Variants in COL4A4 observed in about 807,000 individuals in gnomAD.
The protein encoded by COL4A4 is collagen alpha-4(IV) chain.
A neutral mutation model predicts 192.9 loss-of-function variants in COL4A4; 105 were observed. The ratio of observed to expected loss-of-function variants is 0.54; its 90% confidence interval spans 0.46 to 0.64. COL4A4 has a LOEUF of 0.64. COL4A4 is among the 30% of genes least tolerant of loss of function. The pLI, the probability that COL4A4 is intolerant of heterozygous loss-of-function variation, is 0.00. For synonymous variants in COL4A4, 762 were observed against 769.9 expected, an observed-to-expected ratio of 0.99 and a Z score of 0.17; for missense variants, 1,967 against 2,169.3, an observed-to-expected ratio of 0.91 and a Z score of 1.85.
rs1559562624 is a variant in COL4A4 at position 227,077,913 on chromosome 2, A to G, written c.1968T>C (p.Asp656=). The G allele has an allele frequency of 1.2e-6, 2 of 1,613,408 alleles. No homozygotes were observed. Among genetic ancestry groups the G allele is most frequent in the African/African-American group, 1.3e-5 (1 of 75,024 alleles). The change falls in exon 25 of 48, where the codon GAT becomes GAC. Residue 656 remains aspartate (D), a synonymous_variant. Transcript: ENST00000396625. ...AATTACCTTTCTGACCCTTCAAGCC[A>G]TCAGGGCCCCTCACACCTGGGTGGC... is the stretch of plus-strand genomic sequence containing the variant. The part of the protein sequence containing the change: ...VPGHPGVRGP[D]GLKGQKGDTI...
chr2:226,971,020 T>C, the COL4A4 span, among the ~76,000 whole-genome samples: 4 of 152,238 alleles, frequency 2.6e-5, no homozygotes, highest in African/African-American at 9.6e-5. Context: ...TTATAAATAG[T>C]TGAGATGGTA....
chr2:227,041,856 A>AAGAAAGAGAGAGAG (rs1971363020), intron 37 of COL4A4, among the ~76,000 whole-genome samples: 2 of 96,976 alleles, frequency 2.1e-5, no homozygotes, highest in Non-Finnish European at 4.2e-5. Context: ...AAGAGAAAGA[A>AAGAAAGAGAGAGAG]AGAAAGAAAG....
chr2:227,147,219 A>G (rs1297225201), intron 2 of COL4A4, 194 bp downstream of exon 2: 4 of 704,834 alleles, frequency 5.7e-6, no homozygotes, highest in Non-Finnish European at 1.0e-5. Context: ...GATTTTGTGG[A>G]TGCATTTCAG....
intron 37 of COL4A4, among the ~76,000 whole-genome samples, chr2:227,034,351 A>G (rs1386213031): frequency 6.6e-6 from 1 of 152,124 alleles, no homozygotes; most frequent in Non-Finnish European, 1.5e-5. Context: ...AAGTTGGAGG[A>G]GGAGAGGCAA....
chr2:227,147,927 G>C (rs1576877356), intron 1 of COL4A4, among the ~76,000 whole-genome samples: 1 of 150,908 alleles, frequency 6.6e-6, no homozygotes, highest in Non-Finnish European at 1.5e-5. Context: ...TTTTTCCCTT[G>C]AACATCCAAG....
chr2:227,061,846 C>A (rs1977140279), intron 26 of COL4A4, among the ~76,000 whole-genome samples: 1 of 152,062 alleles, frequency 6.6e-6, no homozygotes, highest in African/African-American at 2.4e-5. Context: ...TCAAATGTTT[C>A]TGATCAAATG....
chr2:227,102,703 C>T, intron 15 of COL4A4, 86 bp downstream of exon 15: 2 of 1,135,544 alleles, frequency 1.8e-6, no homozygotes, highest in South Asian at 1.2e-5. Context: ...CACTTTTGAG[C>T]TTGTGGGACT....
At chr2:227,150,724 A>C (rs747044719) in intron 1 of COL4A4, among the ~76,000 whole-genome samples, 4 of 152,128 alleles carry the variant, frequency 2.6e-5, no homozygotes, top group Non-Finnish European at 5.9e-5. Flanking sequence ...GCAAAGGGGG[A>C]AGCCCCTTAT....
intron 11 of COL4A4, 102 bp from the exon 12 acceptor site, chr2:227,108,724 A>G (rs2061001012): frequency 6.5e-7 from 1 of 1,527,304 alleles, no homozygotes; most frequent in Non-Finnish European, 9.1e-7. Context: ...AGTTCATGGA[A>G]TACTTTGGGA....
chr2:227,054,199 G>C (rs1412528600), intron 31 of COL4A4, among the ~76,000 whole-genome samples: 1 of 152,126 alleles, frequency 6.6e-6, no homozygotes, highest in East Asian at 1.9e-4. Flanking sequence ...GAGACCAGAT[G>C]GTCTGCAAAG....
At chr2:227,141,700 G>A (rs576187746) in intron 3 of COL4A4, among the ~76,000 whole-genome samples, 93 of 152,206 alleles carry the variant, frequency 6.1e-4, no homozygotes, top group African/African-American at 2.2e-3. Context: ...CGATTAGATA[G>A]TTTAAGTTTA....
At chr2:227,037,604 T>A (rs1351426302) in intron 37 of COL4A4, among the ~76,000 whole-genome samples, 1 of 152,230 alleles carries the variant, frequency 6.6e-6, no homozygotes. Context: ...ATAAACCCAG[T>A]AATGGGATCA....
At chr2:226,974,132 G>A in the COL4A4 span, among the ~76,000 whole-genome samples, 1 of 152,202 alleles carries the variant, frequency 6.6e-6, no homozygotes, top group Non-Finnish European at 1.5e-5. Flanking sequence ...GAAATAATTA[G>A]CATTCTGAGT....
chr2:227,070,972 G>A (rs1416583649), intron 25 of COL4A4, among the ~76,000 whole-genome samples: 3 of 151,980 alleles, frequency 2.0e-5, no homozygotes, highest in Non-Finnish European at 4.4e-5. Flanking sequence ...TGAAACTTTA[G>A]AACTCACACG....
chr2:227,104,887 C>T (rs10181345), intron 12 of COL4A4, among the ~76,000 whole-genome samples: 83,901 of 150,784 alleles, frequency 0.56, 23,915 homozygotes, highest in Middle Eastern at 0.67. Context: ...GTGATCCGCC[C>T]GCCTCGGCCT....
intron 1 of COL4A4, among the ~76,000 whole-genome samples, chr2:227,153,029 T>C (rs552175047): frequency 3.4e-4 from 51 of 152,150 alleles, no homozygotes; most frequent in African/African-American, 1.1e-3. Flanking sequence ...GGAAGGTGAA[T>C]GAGGAGCAAA....
At chr2:227,068,068 C>A (rs1228886192) in intron 25 of COL4A4, among the ~76,000 whole-genome samples, 4 of 145,118 alleles carry the variant, frequency 2.8e-5, no homozygotes, top group African/African-American at 1.0e-4. Flanking sequence ...TACAAACTAC[C>A]ATCAGAGAAT....
chr2:227,037,943 C>G (rs2150036080), intron 37 of COL4A4, among the ~76,000 whole-genome samples: 1 of 152,224 alleles, frequency 6.6e-6, no homozygotes, highest in East Asian at 1.9e-4. Context: ...TTGTTTCTTT[C>G]TTGTAAATTT....
chr2:227,108,868 C>T lies in COL4A4; in HGVS notation c.658G>A (p.Gly220Arg). Residue 220 changes from glycine (G) to arginine (R), a missense_variant and splice_region_variant, in exon 11 of 48, where the codon GGA (glycine) becomes AGA (arginine). Physicochemically the swap from Gly to Arg is moderately radical, Grantham distance 125. Coordinates refer to ENST00000396625, the MANE Select transcript of COL4A4 (RefSeq NM_000092.5). ...GGACGCCCTGGTTGGCCCGGAGGTC[C>T]CTAAATCAAGGGAGAAAAAAACACA... ...TGYPGEPGLVGPPGQPGRPGL... is the reference protein window; with the variant it reads ...TGYPGEPGLVRPPGQPGRPGL... The T allele has an allele frequency of 1.2e-6, 2 of 1,611,368 alleles. No individual in the cohort carries two copies. Among genetic ancestry groups the T allele is most frequent in the Non-Finnish European group, 1.7e-6 (2 of 1,178,380 alleles).
Sources: allele counts gnomAD v4.1 joint callset (sites outside exome capture counted in the v4.1 genomes callset), GRCh38; gene constraint gnomAD v4.1.1; transcripts MANE v1.5; gene names NCBI Gene and HGNC (gene_info 2026-07-23, HGNC 2026-07-21).